The following CRPPA variants were observed in gnomAD, a reference collection of about 807,000 sequenced individuals.
The protein encoded by CRPPA is CDP-L-ribitol pyrophosphorylase A.
A neutral mutation model predicts 52.0 loss-of-function variants in CRPPA; 43 were observed. That is an observed-to-expected ratio of 0.83 (90% CI 0.65 to 1.07). The LOEUF (loss-of-function observed/expected upper bound fraction) is 1.07, where lower values mean the gene tolerates loss of function less well. Ranked by LOEUF, CRPPA falls within the 50% of genes least tolerant of loss-of-function variation. The pLI, the probability that CRPPA is intolerant of heterozygous loss-of-function variation, is 0.00. For synonymous variants in CRPPA, 250 were observed against 203.5 expected (o/e 1.23, Z -1.94); for missense variants, 629 against 551.7 (o/e 1.14, Z -1.40).
chr7:16,280,249 T>C (rs962296836), intron 5 of CRPPA, among the ~76,000 whole-genome samples: 1 of 152,214 alleles, frequency 6.6e-6, no homozygotes, highest in Non-Finnish European at 1.5e-5. Flanking sequence ...TGAGATCAAA[T>C]CAAAGGGATC....
At chr7:16,270,307 A>G (rs933295761) in intron 6 of CRPPA, 1 of 152,134 alleles carries the variant, frequency 6.6e-6, no homozygotes, top group Non-Finnish European at 1.5e-5. Context: ...TAATATTTCA[A>G]CAGGTTCCTG....
intron 8 of CRPPA, among the ~76,000 whole-genome samples, chr7:16,251,052 C>CAA (rs570099770): frequency 1.1e-4 from 15 of 136,552 alleles, no homozygotes; most frequent in Non-Finnish European, 2.1e-4. Context: ...AAATGGAAAG[C>CAA]AAAAAAAAAA....
intron 3 of CRPPA, among the ~76,000 whole-genome samples, chr7:16,352,123 T>C (rs1786170959): frequency 6.6e-6 from 1 of 152,168 alleles, no homozygotes; most frequent in Admixed American, 6.5e-5. Context: ...GGGACATGAA[T>C]GAAACTGGAA....
chr7:16,144,676 T>C (rs1195920216), intron 9 of CRPPA, among the ~76,000 whole-genome samples: 2 of 152,144 alleles, frequency 1.3e-5, no homozygotes, highest in African/African-American at 4.8e-5. Flanking sequence ...GTCAATGATA[T>C]TTATTCCCCA....
chr7:16,160,933 G>T (rs149192706), intron 9 of CRPPA, among the ~76,000 whole-genome samples: 1 of 152,114 alleles, frequency 6.6e-6, no homozygotes, highest in Non-Finnish European at 1.5e-5. Flanking sequence ...AATTGTGAAT[G>T]GGAGTTTGCT....
intron 2 of CRPPA, among the ~76,000 whole-genome samples, chr7:16,404,214 G>C (rs1476880001): frequency 1.3e-5 from 2 of 152,122 alleles, no homozygotes; most frequent in Non-Finnish European, 2.9e-5. Flanking sequence ...CCTTAAACAA[G>C]TTGTAAAGTT....
chr7:16,170,565 G>T (rs886791625), intron 9 of CRPPA, among the ~76,000 whole-genome samples: 1 of 152,226 alleles, frequency 6.6e-6, no homozygotes. Context: ...AAGAGCGAAA[G>T]AACAAACCTT....
intron 6 of CRPPA, among the ~76,000 whole-genome samples, chr7:16,273,898 A>G (rs1306201887): frequency 1.3e-5 from 2 of 152,100 alleles, no homozygotes; most frequent in African/African-American, 4.8e-5. Flanking sequence ...GCTCACCTGC[A>G]TGCTCCCTGT....
chr7:16,361,633 T>C (rs1786446507), intron 3 of CRPPA, among the ~76,000 whole-genome samples: 3 of 152,148 alleles, frequency 2.0e-5, no homozygotes, highest in South Asian at 4.1e-4. Context: ...ATGAGGTACC[T>C]AGAATAGTCA....
intron 3 of CRPPA, among the ~76,000 whole-genome samples, chr7:16,363,576 G>A (rs1233018060): frequency 6.6e-6 from 1 of 152,040 alleles, no homozygotes; most frequent in Non-Finnish European, 1.5e-5. Context: ...CCTTTTTAGA[G>A]AAGTGAAAAT....
chr7:16,295,556 A>G (rs1784653935), intron 5 of CRPPA, among the ~76,000 whole-genome samples: 1 of 152,122 alleles, frequency 6.6e-6, no homozygotes, highest in South Asian at 2.1e-4. Context: ...TAGCCACAAT[A>G]TTGAATATAT....
chr7:16,168,397 A>C (rs1426471711), intron 9 of CRPPA, among the ~76,000 whole-genome samples: 1 of 152,152 alleles, frequency 6.6e-6, no homozygotes, highest in Non-Finnish European at 1.5e-5. Flanking sequence ...AATGGTACTA[A>C]ATTGAAATAG....
chr7:16,094,088 T>C (rs17169263), intron 9 of CRPPA, among the ~76,000 whole-genome samples: 93,275 of 152,106 alleles, frequency 0.61, 34,004 homozygotes, highest in Non-Finnish European at 0.8. Context: ...ATCATCTATG[T>C]TCATTTTGAT....
At chr7:16,213,979 T>G (rs1287401624) in intron 9 of CRPPA, among the ~76,000 whole-genome samples, 1 of 152,142 alleles carries the variant, frequency 6.6e-6, no homozygotes, top group African/African-American at 2.4e-5. Flanking sequence ...TCCAAATTAT[T>G]TTACATGAGT....
chr7:16,138,776 C>A (rs1782809256), intron 9 of CRPPA, among the ~76,000 whole-genome samples: 1 of 151,774 alleles, frequency 6.6e-6, no homozygotes, highest in African/African-American at 2.4e-5. Flanking sequence ...GGCCCATTTA[C>A]CCCCCCACAC....
intron 3 of CRPPA, among the ~76,000 whole-genome samples, chr7:16,367,915 G>A (rs1344748725): frequency 4.6e-5 from 7 of 152,022 alleles, no homozygotes; most frequent in Non-Finnish European, 1.0e-4. Context: ...CAAAGCAAAA[G>A]GTACATAATT....
intron 9 of CRPPA, among the ~76,000 whole-genome samples, chr7:16,109,583 CA>C (rs1335583441): frequency 2.6e-5 from 4 of 151,938 alleles, no homozygotes; most frequent in Non-Finnish European, 4.4e-5. Context: ...CCAAAGTCCT[CA>C]ACAAAATACT....
At chr7:16,253,286 GATATTCT>G (rs2128410485) in intron 8 of CRPPA, among the ~76,000 whole-genome samples, 1 of 152,324 alleles carries the variant, frequency 6.6e-6, no homozygotes, top group African/African-American at 2.4e-5. Context: ...ATGTGTCCCA[GATATTCT>G]GGCATGCGGT....
At chr7:16,209,740 A>G (rs1782079668) in intron 9 of CRPPA, among the ~76,000 whole-genome samples, 1 of 152,244 alleles carries the variant, frequency 6.6e-6, no homozygotes, top group South Asian at 2.1e-4. Flanking sequence ...AGGAATGTAT[A>G]TAAGAACACG....
Sources: gnomAD v4.1 joint callset for allele counts (sites outside exome capture counted in the v4.1 genomes callset) on GRCh38, gnomAD v4.1.1 for gene constraint, MANE v1.5 for transcripts, NCBI Gene and HGNC (gene_info 2026-07-23, HGNC 2026-07-21) for gene names.